Variants in TRPM3 observed in about 807,000 individuals in gnomAD.
TRPM3 encodes long transient receptor potential channel 3.
In TRPM3, 77 loss-of-function variants were observed where a neutral mutation model predicts 181.2. That is an observed-to-expected ratio of 0.42 (90% CI 0.35 to 0.51). The LOEUF (loss-of-function observed/expected upper bound fraction) is 0.51, where lower values mean the gene tolerates loss of function less well. Among genes scored for constraint, TRPM3 ranks in the 20% least tolerant of loss-of-function variants. The pLI is 0.01. For missense variants in TRPM3, 1,759 were observed against 2,196.7 expected (o/e 0.80, Z 3.98); for synonymous variants, 745 against 796.4 (o/e 0.94, Z 1.09).
chr9:71,225,610 C>T (rs762408255), intron 1 of TRPM3, among the ~76,000 whole-genome samples: 1 of 152,144 alleles, frequency 6.6e-6, no homozygotes, highest in Non-Finnish European at 1.5e-5. Context: ...GGTGTATAAA[C>T]TACTCATATC....
chr9:70,619,406 C>CTTTTTTTTTTTTTTTTTTTTTTTTTTT (rs1170887633), intron 16 of TRPM3, among the ~76,000 whole-genome samples: 1 of 81,418 alleles, frequency 1.2e-5, no homozygotes, highest in Non-Finnish European at 2.2e-5. Flanking sequence ...TCGTCGTCTT[C>CTTTTTTTTTTTTTTTTTTTTTTTTTTT]TTTTTTTTTT....
chr9:71,374,139 G>C (rs545975948), intron 1 of TRPM3, among the ~76,000 whole-genome samples: 1 of 152,182 alleles, frequency 6.6e-6, no homozygotes, highest in Non-Finnish European at 1.5e-5. Flanking sequence ...ACTTTGGAAG[G>C]CTGAGGCAGG....
chr9:71,138,022 G>A (rs1429271719), intron 1 of TRPM3, among the ~76,000 whole-genome samples: 3 of 151,952 alleles, frequency 2.0e-5, no homozygotes, highest in African/African-American at 7.3e-5. Flanking sequence ...GCTGAGGCAG[G>A]AGAATCACTT....
chr9:70,579,330 A>G (rs889679499), intron 22 of TRPM3: 1 of 152,040 alleles, frequency 6.6e-6, no homozygotes, highest in Non-Finnish European at 1.5e-5. Context: ...AGGTCACTAC[A>G]TTGATGCTAA....
At chr9:71,371,578 C>T (rs961222333) in intron 1 of TRPM3, among the ~76,000 whole-genome samples, 2 of 152,166 alleles carry the variant, frequency 1.3e-5, no homozygotes, top group African/African-American at 2.4e-5. Flanking sequence ...GGAATTGCTT[C>T]TTATTGATGC....
intron 1 of TRPM3, among the ~76,000 whole-genome samples, chr9:71,045,481 C>A (rs1375508232): frequency 6.6e-6 from 1 of 152,096 alleles, no homozygotes; most frequent in Non-Finnish European, 1.5e-5. Flanking sequence ...CACATGAGTA[C>A]CCGGTGTACA....
chr9:71,124,320 A>AT (rs1189260029), upstream of TRPM3, among the ~76,000 whole-genome samples: 36 of 151,830 alleles, frequency 2.4e-4, no homozygotes, highest in African/African-American at 8.4e-4. Context: ...AAAAAAAAAA[A>AT]GCAGAGAGGA....
intron 22 of TRPM3, among the ~76,000 whole-genome samples, chr9:70,587,270 C>A (rs910831267): frequency 4.6e-5 from 7 of 152,144 alleles, no homozygotes; most frequent in Admixed American, 3.9e-4. Flanking sequence ...TGTAAAAATA[C>A]TCAGAGAAGC....
intron 1 of TRPM3, among the ~76,000 whole-genome samples, chr9:71,295,765 G>C (rs2086209965): frequency 7.0e-6 from 1 of 143,464 alleles, no homozygotes; most frequent in Non-Finnish European, 1.5e-5. Context: ...CTTGAGCCCA[G>C]AAGTTTGAGG....
intron 1 of TRPM3, among the ~76,000 whole-genome samples, chr9:71,006,199 A>C (rs865913513): frequency 6.6e-6 from 1 of 152,212 alleles, no homozygotes; most frequent in Non-Finnish European, 1.5e-5. Context: ...ATACACTAAA[A>C]TAAGTAGCAT....
At chr9:71,225,921 T>G (rs1021444199) in intron 1 of TRPM3, among the ~76,000 whole-genome samples, 1 of 147,166 alleles carries the variant, frequency 6.8e-6, no homozygotes, top group Non-Finnish European at 1.5e-5. Context: ...CCTCCCAAAG[T>G]GCTGGATTAC....
At chr9:71,195,467 C>T (rs1211867093) in intron 1 of TRPM3, among the ~76,000 whole-genome samples, 6 of 151,780 alleles carry the variant, frequency 4.0e-5, no homozygotes, top group Non-Finnish European at 5.9e-5. Context: ...ATAACAGGTG[C>T]CAGTGAGGTT....
intron 9 of TRPM3, among the ~76,000 whole-genome samples, chr9:70,674,563 ATTT>A (rs71507005): frequency 6.6e-6 from 1 of 151,334 alleles, no homozygotes; most frequent in Non-Finnish European, 1.5e-5. Context: ...TATATATATA[ATTT>A]TTTTTTTGAG....
chr9:71,042,695 C>T (rs2058969282), intron 1 of TRPM3, among the ~76,000 whole-genome samples: 1 of 152,170 alleles, frequency 6.6e-6, no homozygotes, highest in South Asian at 2.1e-4. Flanking sequence ...AGTTTCTGCC[C>T]TCTGACAGCA....
intron 1 of TRPM3, among the ~76,000 whole-genome samples, chr9:71,162,725 G>A (rs1394827621): frequency 1.3e-5 from 2 of 151,920 alleles, no homozygotes; most frequent in Non-Finnish European, 2.9e-5. Flanking sequence ...ACTTTCATTA[G>A]TTACCTACTA....
At chr9:71,411,881 T>G (rs2093556337) in intron 1 of TRPM3, among the ~76,000 whole-genome samples, 2 of 152,180 alleles carry the variant, frequency 1.3e-5, no homozygotes, top group South Asian at 4.1e-4. Flanking sequence ...AACAGCATGG[T>G]ACTGGTACCA....
chr9:71,137,439 C>T (rs2074836764), intron 1 of TRPM3, among the ~76,000 whole-genome samples: 1 of 149,000 alleles, frequency 6.7e-6, no homozygotes, highest in South Asian at 2.2e-4. Flanking sequence ...CTAAGCATAA[C>T]ACAGTAACAA....
In TRPM3 at chr9:70,676,065, T is replaced by G. The variant is rs114238223; in HGVS notation, c.1345+5441A>C. Among the ~76,000 whole-genome samples the G allele has an allele frequency of 5.0e-3, 760 of 152,366 alleles. 9 individuals carry two copies. Among genetic ancestry groups the G allele is most frequent in the African/African-American group, 0.017 (720 of 41,582 alleles). On this transcript the variant is annotated intron_variant, in intron 9 of 25. Transcript: ENST00000677713. ...CAATTTCTCAGGCTTCCCTTGTTTT[T>G]GATGACCTTGACATTTATGAGGAGA...
At chr9:70,999,143 C>T (rs1213759396) in intron 1 of TRPM3, among the ~76,000 whole-genome samples, 1 of 152,214 alleles carries the variant, frequency 6.6e-6, no homozygotes, top group African/African-American at 2.4e-5. Flanking sequence ...TGAAAGCACA[C>T]AGCAAAGATG....
Sources: allele counts gnomAD v4.1 joint callset (sites outside exome capture counted in the v4.1 genomes callset), GRCh38; gene constraint gnomAD v4.1.1; transcripts MANE v1.5; gene names NCBI Gene and HGNC (gene_info 2026-07-23, HGNC 2026-07-21).